The following ERBB4 variants were observed in gnomAD, a reference collection of about 807,000 sequenced individuals.
The protein encoded by ERBB4 is receptor tyrosine-protein kinase erbB-4.
A neutral mutation model predicts 158.0 loss-of-function variants in ERBB4; 42 were observed. The ratio of observed to expected loss-of-function variants is 0.27; its 90% CI spans 0.21 to 0.34. ERBB4 has a LOEUF of 0.34. ERBB4 is among the 10% of genes least tolerant of loss of function. ERBB4 has a pLI of 1.00. For synonymous variants in ERBB4, 583 were observed against 558.7 expected, an observed-to-expected ratio of 1.04 and a Z score of -0.61; for missense variants, 1,333 against 1,624.1, an observed-to-expected ratio of 0.82 and a Z score of 3.08.
intron 16 of ERBB4, among the ~76,000 whole-genome samples, chr2:211,642,049 A>G (rs558649918): frequency 1.1e-4 from 17 of 152,240 alleles, no homozygotes; most frequent in African/African-American, 4.1e-4. Flanking sequence ...GTTCTTAAAA[A>G]TGCAATTCTT....
At chr2:211,473,728 G>A (rs1177172475) in intron 20 of ERBB4, among the ~76,000 whole-genome samples, 1 of 151,952 alleles carries the variant, frequency 6.6e-6, no homozygotes, top group Non-Finnish European at 1.5e-5. Context: ...TGGGAGCCAG[G>A]GAGATGGGAG....
At position 211,431,062 on chromosome 2, in the gene ERBB4, C is replaced by A. The variant is rs1192493267; in HGVS notation, c.2526G>T (p.Arg842=). The change falls in exon 21 of 28, where the codon CGG becomes CGT. Residue 842 remains arginine (R), a synonymous_variant. Transcript: ENST00000342788. ...MYLEERRLVH[R]DLAARNVLVK... is the part of the protein sequence containing the mutation. Reference sequence around the variant, plus strand: ...CTAAGACATTACGGGCTGCCAAATCCCGATGAACGAGTCGTCTTTCTTCCA... The same window carrying A: ...CTAAGACATTACGGGCTGCCAAATCACGATGAACGAGTCGTCTTTCTTCCA... 1.2e-6 allele frequency: 2 copies of A among 1,613,916 alleles called. No individual in the cohort carries two copies. The highest frequency in any genetic ancestry group is 1.7e-6 in the Non-Finnish European group (2 of 1,179,874).
chr2:211,423,038 CT>C (rs1305549918), intron 23 of ERBB4, among the ~76,000 whole-genome samples: 2 of 151,638 alleles, frequency 1.3e-5, no homozygotes, highest in Admixed American at 6.6e-5. Context: ...ATGTCATCTG[CT>C]TTTTTTCTCC....
In ERBB4 at chr2:212,368,785, C is replaced by A. The variant is rs76006196; in HGVS notation, c.82+169664G>T. On this transcript the variant is annotated intron_variant, in intron 1 of 27. Coordinates refer to ENST00000342788, the MANE Select transcript of ERBB4 (RefSeq NM_005235.3). ...CCATACTATTCTTGGTAATCATAAC[C>A]AATCAGTGGGAATTATCTTGGGAGA... 6.5e-3 allele frequency among the ~76,000 whole-genome samples: 989 copies of A among 152,208 alleles called. 7 individuals are homozygous for A. The highest frequency in any genetic ancestry group is 0.023 in the African/African-American group (944 of 41,524).
At chr2:211,728,712 A>C (rs537207530) in intron 5 of ERBB4, among the ~76,000 whole-genome samples, 1 of 151,972 alleles carries the variant, frequency 6.6e-6, no homozygotes, top group South Asian at 2.1e-4. Context: ...CAGCTGGAAA[A>C]CAATAGCATG....
chr2:211,822,556 A>G (rs757231319), intron 3 of ERBB4, among the ~76,000 whole-genome samples: 2 of 152,062 alleles, frequency 1.3e-5, no homozygotes, highest in Non-Finnish European at 2.9e-5. Context: ...TCTTCAGGGA[A>G]GCTATCCTGA....
At chr2:212,464,018 T>A (rs895986896) in intron 1 of ERBB4, among the ~76,000 whole-genome samples, 1 of 152,064 alleles carries the variant, frequency 6.6e-6, no homozygotes, top group Non-Finnish European at 1.5e-5. Flanking sequence ...CCTCTGCAAG[T>A]GGAATACAGA....
intron 25 of ERBB4, among the ~76,000 whole-genome samples, chr2:211,404,814 G>A (rs1057390868): frequency 6.6e-6 from 1 of 152,064 alleles, no homozygotes; most frequent in African/African-American, 2.4e-5. Flanking sequence ...GTAGGTGACT[G>A]TACTTTCTAT....
At chr2:211,865,014 A>G (rs2078168886) in intron 3 of ERBB4, among the ~76,000 whole-genome samples, 1 of 152,036 alleles carries the variant, frequency 6.6e-6, no homozygotes, top group Admixed American at 6.6e-5. Flanking sequence ...CTGTCTAAAA[A>G]ATAAAAAATA....
chr2:212,313,362 G>A (rs1187691166), intron 1 of ERBB4, among the ~76,000 whole-genome samples: 1 of 150,552 alleles, frequency 6.6e-6, no homozygotes, highest in Non-Finnish European at 1.5e-5. Flanking sequence ...GCCTACATGG[G>A]CTTATTTTGT....
At chr2:211,566,647 G>A (rs977912620) in intron 19 of ERBB4, among the ~76,000 whole-genome samples, 2 of 152,134 alleles carry the variant, frequency 1.3e-5, no homozygotes, top group African/African-American at 2.4e-5. Context: ...TATTCACAGT[G>A]TAAACCAGAG....
intron 15 of ERBB4, among the ~76,000 whole-genome samples, chr2:211,659,090 A>C (rs1282086613): frequency 6.6e-6 from 1 of 152,144 alleles, no homozygotes; most frequent in Non-Finnish European, 1.5e-5. Context: ...AAAAGGTGCC[A>C]ATGTATAAGG....
intron 22 of ERBB4, among the ~76,000 whole-genome samples, chr2:211,426,036 A>AAGAT (rs1184154005): frequency 2.6e-5 from 4 of 152,158 alleles, no homozygotes; most frequent in Non-Finnish European, 4.4e-5. Flanking sequence ...GTAGTTATAA[A>AAGAT]AGATAGAGTA....
At chr2:212,181,486 G>GA (rs1378230859) in intron 1 of ERBB4, among the ~76,000 whole-genome samples, 7 of 151,554 alleles carry the variant, frequency 4.6e-5, no homozygotes, top group African/African-American at 7.3e-5. Context: ...ATTTCAATAT[G>GA]AAAATTTTAT....
chr2:212,265,262 C>A (rs570381358), intron 1 of ERBB4, among the ~76,000 whole-genome samples: 1 of 152,084 alleles, frequency 6.6e-6, no homozygotes, highest in South Asian at 2.1e-4. Flanking sequence ...ACACATGACA[C>A]CCTAGGAGAC....
chr2:212,125,273 G>A (rs2079888852), intron 1 of ERBB4: 2 of 178,038 alleles, frequency 1.1e-5, no homozygotes, highest in African/African-American at 2.4e-5. Flanking sequence ...TTCTACAAAT[G>A]TAAATAAATC....
chr2:211,548,678 G>C (rs970467022), intron 20 of ERBB4, among the ~76,000 whole-genome samples: 2 of 151,958 alleles, frequency 1.3e-5, no homozygotes, highest in African/African-American at 4.8e-5. Context: ...ACCTTACCTG[G>C]ACTCTGTCAC....
intron 2 of ERBB4, among the ~76,000 whole-genome samples, chr2:212,013,058 C>A (rs943927859): frequency 7.2e-6 from 1 of 139,714 alleles, no homozygotes; most frequent in Non-Finnish European, 1.6e-5. Context: ...AAATACTTTC[C>A]TTTTTTTTTT....
At chr2:212,270,596 C>T (rs1227564681) in intron 1 of ERBB4, among the ~76,000 whole-genome samples, 1 of 151,794 alleles carries the variant, frequency 6.6e-6, no homozygotes, top group African/African-American at 2.4e-5. Flanking sequence ...AGAAACGACA[C>T]TATGCCACTT....
Sources: gnomAD v4.1 joint callset for allele counts (sites outside exome capture counted in the v4.1 genomes callset) on GRCh38, gnomAD v4.1.1 for gene constraint, MANE v1.5 for transcripts, NCBI Gene and HGNC (gene_info 2026-07-23, HGNC 2026-07-21) for gene names.